The following LMO7 variants were observed in gnomAD, a reference collection of about 807,000 sequenced individuals.
LMO7 encodes LIM domain 7, also known as LIM domain only protein 7.
Under a neutral mutation model 206.5 loss-of-function variants are expected in LMO7, and 120 were observed. That is an observed-to-expected ratio of 0.58 (90% confidence interval 0.50 to 0.68). The LOEUF is 0.68. LMO7 is among the 30% of genes least tolerant of loss of function. LMO7 has a pLI of 0.00. For synonymous variants in LMO7, 706 were observed against 681.5 expected, an observed-to-expected ratio of 1.04 and a Z score of -0.56; for missense variants, 1,959 against 1,957.9, an observed-to-expected ratio of 1.00 and a Z score of -0.01.
intron 3 of LMO7, among the ~76,000 whole-genome samples, chr13:75,730,892 T>C (rs2045117913): frequency 2.0e-5 from 3 of 146,972 alleles, no homozygotes; most frequent in Non-Finnish European, 1.5e-5. Context: ...ATGTACCCAG[T>C]AGTCATTCAG....
chr13:75,696,995 C>T (rs9544028), intron 1 of LMO7, among the ~76,000 whole-genome samples: 61,303 of 151,884 alleles, frequency 0.4, 12,880 homozygotes, highest in East Asian at 0.61. Context: ...TCTTTCCCAA[C>T]GTCGACATAC....
Position 75,846,393 on chromosome 13 carries a change from A to G in LMO7, c.4150+1014A>G, listed in dbSNP as rs557046593. On this transcript the variant is annotated intron_variant, in intron 26 of 30. Coordinates refer to ENST00000377534, the MANE Select transcript of LMO7 (RefSeq NM_001306080.2). ...TGTTAATGGGTCCGTAACTATAACC[A>G]CATTATTATCTTTCTCAGTTCCCAA... is the stretch of plus-strand genomic sequence containing the variant. Among the ~76,000 whole-genome samples, 18 of 152,240 alleles carry G rather than the reference A, an allele frequency of 1.2e-4. No individual in the cohort carries two copies. In the South Asian group the frequency reaches 3.7e-3, roughly 32 times the overall value.
At chr13:75,687,947 G>A (rs1829302566) in intron 1 of LMO7, among the ~76,000 whole-genome samples, 1 of 152,126 alleles carries the variant, frequency 6.6e-6, no homozygotes, top group South Asian at 2.1e-4. Flanking sequence ...GAATCATGGG[G>A]GTGGTTCTTT....
At chr13:75,846,592 A>G (rs1254685337) in intron 26 of LMO7, among the ~76,000 whole-genome samples, 1 of 152,244 alleles carries the variant, frequency 6.6e-6, no homozygotes, top group Non-Finnish European at 1.5e-5. Flanking sequence ...TCTCCTGAAC[A>G]TAAACACAAG....
At chr13:75,639,011 TTATAA>T (rs1329668315) in intron 1 of LMO7, among the ~76,000 whole-genome samples, 4 of 152,186 alleles carry the variant, frequency 2.6e-5, no homozygotes, top group East Asian at 1.9e-4. Flanking sequence ...TACATATGTA[TTATAA>T]TATATGTTCT....
At chr13:75,706,631 C>G (rs942214132) in intron 1 of LMO7, among the ~76,000 whole-genome samples, 1 of 152,176 alleles carries the variant, frequency 6.6e-6, no homozygotes, top group African/African-American at 2.4e-5. Flanking sequence ...TGTGTTAACA[C>G]ATCTTTTTAT....
chr13:75,644,823 G>A, intron 1 of LMO7, among the ~76,000 whole-genome samples: 1 of 152,116 alleles, frequency 6.6e-6, no homozygotes, highest in African/African-American at 2.4e-5. Flanking sequence ...GTAGGGACAA[G>A]GTCTCGCTTT....
At chr13:75,737,739 C>T (rs71434803) in intron 3 of LMO7, among the ~76,000 whole-genome samples, 5 of 91,548 alleles carry the variant, frequency 5.5e-5, no homozygotes, top group Admixed American at 1.7e-4. Context: ...GGCGACAGAG[C>T]GAGACTCCGT....
Position 75,804,276 on chromosome 13 carries a change from G to T in LMO7, c.662-13G>T. 1 of 1,606,268 alleles carries T rather than the reference G, an allele frequency of 6.2e-7. No individual in the cohort carries two copies. The highest frequency in any genetic ancestry group is 8.5e-7 in the Non-Finnish European group (1 of 1,174,652). On this transcript the variant is annotated splice_polypyrimidine_tract_variant and intron_variant, in intron 7 of 30. Transcript: ENST00000377534. The stretch of plus-strand genomic sequence containing the variant: ...TCTGGAGAGTAAAGCAAATTCTTGT[G>T]CCTTCTTTATAGGTTTTGAAAGTGA...
chr13:75,725,529 C>A (rs981749065), intron 2 of LMO7, among the ~76,000 whole-genome samples: 6 of 152,092 alleles, frequency 3.9e-5, no homozygotes, highest in Middle Eastern at 3.4e-3. Context: ...TATAGAAATA[C>A]CTTGTTAATA....
At chr13:75,638,010 TAAGAG>T (rs1174400448) in intron 1 of LMO7, among the ~76,000 whole-genome samples, 2 of 152,176 alleles carry the variant, frequency 1.3e-5, no homozygotes, top group Non-Finnish European at 2.9e-5. Context: ...GCAATATAGT[TAAGAG>T]AAATAACTTC....
At chr13:75,843,615 TG>T (rs1009416685) in intron 25 of LMO7, among the ~76,000 whole-genome samples, 29 of 152,240 alleles carry the variant, frequency 1.9e-4, no homozygotes, top group African/African-American at 7.0e-4. Context: ...TTAGAACTAC[TG>T]GTCAGTTTTG....
intron 3 of LMO7, among the ~76,000 whole-genome samples, chr13:75,750,801 C>G (rs1421630871): frequency 1.3e-5 from 2 of 152,162 alleles, no homozygotes; most frequent in African/African-American, 4.8e-5. Flanking sequence ...TGGTCTGTGG[C>G]CACGCTTTGT....
Position 75,835,331 on chromosome 13 carries a change from C to G in LMO7, c.3325C>G (p.Gln1109Glu), listed in dbSNP as rs564271731. Residue 1109 changes from glutamine to glutamate, a missense_variant, in exon 18 of 31, where the codon CAG becomes GAG. Transcript: ENST00000377534. Reference protein sequence around the residue: ...SVTTDFSESLQSSNIESKEIN... With the variant: ...SVTTDFSESLESSNIESKEIN... ...AACAACTGATTTCTCCGAAAGCCTT[C>G]AGAGTTCTGTGAGTATTTGGAGAAG... 30 of 1,598,028 alleles carry G rather than the reference C, an allele frequency of 1.9e-5. No individual in the cohort carries two copies. The Admixed American group carries it at 2.1e-4, about 11-fold the overall frequency.
chr13:75,759,805 T>G (rs754357395), intron 3 of LMO7, among the ~76,000 whole-genome samples: 1 of 152,054 alleles, frequency 6.6e-6, no homozygotes, highest in Non-Finnish European at 1.5e-5. Flanking sequence ...CCACTTTATC[T>G]TAGGAAAAGA....
intron 4 of LMO7, among the ~76,000 whole-genome samples, chr13:75,779,930 G>A (rs1415009271): frequency 2.6e-5 from 4 of 152,138 alleles, no homozygotes; most frequent in Admixed American, 2.6e-4. Flanking sequence ...AAAGCTGGAT[G>A]TCCGGGGGAG....
rs556906527 is a variant in LMO7 at position 75,725,149 on chromosome 13, A to AT, written c.141-1872dup. Among the ~76,000 whole-genome samples the AT allele has an allele frequency of 5.3e-5, 8 of 151,994 alleles. No homozygotes were observed. In the South Asian group the frequency reaches 1.0e-3, roughly 20 times the overall value. On this transcript the variant is annotated intron_variant, in intron 2 of 30. Transcript: ENST00000377534. ...TGCTATTATTAATTCCAGAAACTGT[A>AT]TTTTTTTTAAATGTACTTTCTCTTA...
chr13:75,686,993 C>A (rs921141185), intron 1 of LMO7, among the ~76,000 whole-genome samples: 5 of 152,092 alleles, frequency 3.3e-5, no homozygotes, highest in Admixed American at 6.5e-5. Context: ...ATCTAAATTA[C>A]CTCCAAAGGC....
At chr13:75,812,100 G>T (rs2056464111) in intron 11 of LMO7, among the ~76,000 whole-genome samples, 1 of 152,278 alleles carries the variant, frequency 6.6e-6, no homozygotes, top group Admixed American at 6.5e-5. Flanking sequence ...TGTCTCATTG[G>T]GTGGGTGGGG....
Sources: gnomAD v4.1 joint callset for allele counts (sites outside exome capture counted in the v4.1 genomes callset) on GRCh38, gnomAD v4.1.1 for gene constraint, MANE v1.5 for transcripts, NCBI Gene and HGNC (gene_info 2026-07-23, HGNC 2026-07-21) for gene names.